The following OSTF1 variants were observed in gnomAD, a reference collection of about 807,000 sequenced individuals.
OSTF1 encodes the protein osteoclast stimulating factor 1.
In OSTF1, 27 loss-of-function variants were observed where a neutral mutation model predicts 37.2. The ratio of observed to expected loss-of-function variants is 0.73; its 90% CI spans 0.54 to 1.00. The LOEUF is 1.00. Ranked by LOEUF, OSTF1 falls within the 50% of genes least tolerant of loss-of-function variation. The probability of loss-of-function intolerance (pLI) is 0.00; values close to 1 mark genes in which losing one functional copy is unlikely to be tolerated. For synonymous variants in OSTF1, 82 were observed against 89.2 expected (o/e 0.92, Z 0.46); for missense variants, 232 against 253.8 (o/e 0.91, Z 0.58).
intron 2 of OSTF1, among the ~76,000 whole-genome samples, chr9:75,126,418 T>C (rs561077101): frequency 1.0e-3 from 154 of 152,328 alleles, no homozygotes; most frequent in African/African-American, 3.4e-3. Context: ...GTGTCCTACA[T>C]TTTTCATCCA....
intron 1 of OSTF1, among the ~76,000 whole-genome samples, chr9:75,115,558 T>G (rs1232585395): frequency 6.6e-6 from 1 of 152,074 alleles, no homozygotes; most frequent in African/African-American, 2.4e-5. Flanking sequence ...CCAAAGCTTT[T>G]AAATAGCTAT....
At chr9:75,138,625 A>G (rs1476160967) in intron 8 of OSTF1, among the ~76,000 whole-genome samples, 4 of 152,182 alleles carry the variant, frequency 2.6e-5, no homozygotes, top group South Asian at 2.1e-4. Flanking sequence ...TAAATAAAAT[A>G]TATAATTAAA....
intron 1 of OSTF1, among the ~76,000 whole-genome samples, chr9:75,106,238 A>G (rs985714614): frequency 6.6e-6 from 1 of 152,214 alleles, no homozygotes; most frequent in African/African-American, 2.4e-5. Flanking sequence ...ATCCAAGAGT[A>G]TAAGTAGGCA....
At chr9:75,141,989 C>T (rs1265753932) in intron 9 of OSTF1, among the ~76,000 whole-genome samples, 1 of 152,188 alleles carries the variant, frequency 6.6e-6, no homozygotes, top group Non-Finnish European at 1.5e-5. Context: ...CTCAAGCCAT[C>T]CTCCTGCCTC....
In OSTF1 at chr9:75,147,228, CATT is replaced by C. The variant is rs1343916570; in HGVS notation, c.*488_*490del. ...TTTTGTCCGTTTCTGTGGTATCACT[CATT>C]GTCGTTAAGTAAGTAAAGCTTTTTA... On this transcript the variant is annotated 3_prime_UTR_variant, in exon 10 of 10. Transcript: ENST00000346234. The C allele has an allele frequency of 6.6e-6, 1 of 152,026 alleles. No individual in the cohort carries two copies. The highest frequency in any genetic ancestry group is 1.5e-5 in the Non-Finnish European group (1 of 68,122). The allele number at this position is 152,026 out of a possible 1,614,324, so 9.4% of individuals were successfully genotyped here.
At chr9:75,102,384 G>A (rs928545606) in intron 1 of OSTF1, among the ~76,000 whole-genome samples, 1 of 152,202 alleles carries the variant, frequency 6.6e-6, no homozygotes, top group African/African-American at 2.4e-5. Flanking sequence ...TTGGTAGGTA[G>A]TAAAGTCAGT....
intron 2 of OSTF1, among the ~76,000 whole-genome samples, chr9:75,124,750 G>GT (rs1241087412): frequency 6.6e-6 from 1 of 152,002 alleles, no homozygotes; most frequent in Non-Finnish European, 1.5e-5. Context: ...TGTGTTCTTT[G>GT]TTTTTAAAAG....
intron 1 of OSTF1, among the ~76,000 whole-genome samples, chr9:75,113,614 A>C (rs532387961): frequency 6.6e-6 from 1 of 151,996 alleles, no homozygotes; most frequent in East Asian, 1.9e-4. Flanking sequence ...ATGCCTGGCT[A>C]ATTTTTGTAT....
chr9:75,098,214 C>T (rs1825123217), intron 1 of OSTF1, among the ~76,000 whole-genome samples: 2 of 152,148 alleles, frequency 1.3e-5, no homozygotes, highest in Admixed American at 1.3e-4. Flanking sequence ...ATCCACTTCC[C>T]AACTCCCAGC....
intron 9 of OSTF1, among the ~76,000 whole-genome samples, chr9:75,141,908 C>T (rs1241529516): frequency 2.6e-5 from 4 of 151,914 alleles, no homozygotes; most frequent in Non-Finnish European, 4.4e-5. Flanking sequence ...TCATCATGCC[C>T]AGCTAATTTT....
intron 1 of OSTF1, among the ~76,000 whole-genome samples, chr9:75,091,758 A>G (rs1301574052): frequency 3.3e-5 from 5 of 152,378 alleles, no homozygotes; most frequent in East Asian, 1.9e-4. Flanking sequence ...GAAGAATAGT[A>G]AGATGAAACA....
At chr9:75,114,595 C>G (rs1825449497) in intron 1 of OSTF1, among the ~76,000 whole-genome samples, 1 of 150,898 alleles carries the variant, frequency 6.6e-6, no homozygotes, top group African/African-American at 2.4e-5. Flanking sequence ...CTCTGTCACC[C>G]AGGCTGGAGT....
At position 75,137,636 on chromosome 9, in the gene OSTF1, T is replaced by G; in HGVS notation, c.487+20T>G. 6.6e-7 allele frequency: 1 copy of G among 1,520,716 alleles called. No homozygotes were observed. Among genetic ancestry groups the G allele is most frequent in the Non-Finnish European group, 9.1e-7 (1 of 1,094,694 alleles). The allele number at this position is 1,520,716 out of a possible 1,614,324, so 94.2% of individuals were successfully genotyped here. ...CAAAAGGTAAAGTTTGTGCTGAGTT[T>G]ATCTGGTCTTTGCTTGCCCTGAAAA... is the stretch of plus-strand genomic sequence containing the variant. On this transcript the variant is annotated intron_variant, in intron 8 of 9. Transcript: ENST00000346234.
At chr9:75,145,994 T>C (rs1356994676) in intron 9 of OSTF1, among the ~76,000 whole-genome samples, 2 of 152,218 alleles carry the variant, frequency 1.3e-5, no homozygotes, top group Non-Finnish European at 2.9e-5. Context: ...GTGACATATA[T>C]TTATTGAACT....
chr9:75,110,778 A>T (rs1825372580), intron 1 of OSTF1, among the ~76,000 whole-genome samples: 1 of 151,450 alleles, frequency 6.6e-6, no homozygotes, highest in South Asian at 2.1e-4. Flanking sequence ...TGGTGCAGTC[A>T]TGGCTCACTG....
At chr9:75,145,362 T>G (rs533905300) in intron 9 of OSTF1, among the ~76,000 whole-genome samples, 1 of 152,314 alleles carries the variant, frequency 6.6e-6, no homozygotes, top group South Asian at 2.1e-4. Context: ...CATGTATCTT[T>G]CTTGGTAGTA....
intron 6 of OSTF1, among the ~76,000 whole-genome samples, 172 bp downstream of exon 6, chr9:75,133,573 T>G (rs1825800003): frequency 2.0e-5 from 3 of 152,208 alleles, no homozygotes; most frequent in Admixed American, 2.0e-4. Context: ...GTGGGTAGAA[T>G]GTGGTCAGTC....
At chr9:75,101,149 C>T (rs535256948) in intron 1 of OSTF1, among the ~76,000 whole-genome samples, 2 of 152,286 alleles carry the variant, frequency 1.3e-5, no homozygotes, top group South Asian at 2.1e-4. Flanking sequence ...TAAACAATCT[C>T]GACTCTCAGG....
intron 9 of OSTF1, among the ~76,000 whole-genome samples, chr9:75,141,980 T>C (rs936948874): frequency 5.3e-5 from 8 of 152,178 alleles, no homozygotes; most frequent in African/African-American, 1.9e-4. Context: ...ACTCATGGAC[T>C]CAAGCCATCC....
Sources: gnomAD v4.1 joint callset for allele counts (sites outside exome capture counted in the v4.1 genomes callset) on GRCh38, gnomAD v4.1.1 for gene constraint, MANE v1.5 for transcripts, NCBI Gene and HGNC (gene_info 2026-07-23, HGNC 2026-07-21) for gene names.